PDZD4: variants seen among roughly 807,000 people sequenced by gnomAD.
PDZD4 encodes the protein PDZ domain-containing protein 4.
PDZD4 carries 9 observed loss-of-function variants against 38.5 expected under a neutral mutation model. The ratio of observed to expected loss-of-function variants is 0.23; its 90% CI spans 0.14 to 0.41. PDZD4 has a LOEUF of 0.41. Ranked by LOEUF, PDZD4 falls within the 10% of genes least tolerant of loss-of-function variation. The probability of loss-of-function intolerance (pLI) is 1.00; values close to 1 mark genes in which losing one functional copy is unlikely to be tolerated. For synonymous variants in PDZD4, 349 were observed against 315.7 expected, an observed-to-expected ratio of 1.11 and a Z score of -1.12; for missense variants, 612 against 722.0, an observed-to-expected ratio of 0.85 and a Z score of 1.75.
intron 1 of PDZD4, among the ~76,000 whole-genome samples, chrX:153,814,758 T>C (rs922892924): frequency 1.8e-5 from 2 of 110,653 alleles, no homozygotes; most frequent in Admixed American, 9.6e-5. Context: ...TCCCAGCGAC[T>C]CTCATCTTCT....
intron 2 of PDZD4, chrX:153,807,942 C>A (rs1328037056): frequency 4.1e-6 from 4 of 987,035 alleles, no homozygotes; most frequent in Non-Finnish European, 5.2e-6. Context: ...TTCTTCCGGT[C>A]GGGCCAAAGA....
rs1603269468 is a variant in PDZD4 at position 153,830,505 on chromosome X, G to A, written c.-207C>T. On this transcript the variant is annotated 5_prime_UTR_variant, in exon 1 of 8. Coordinates refer to ENST00000393758, the MANE Select transcript of PDZD4 (RefSeq NM_001303512.2). Reference sequence around the variant, plus strand: ...AACTCTTCGCTGGCCGAGGCCAGGCGCGGGCATGCTCCCTCGCACCCGGCC... The same window carrying A: ...AACTCTTCGCTGGCCGAGGCCAGGCACGGGCATGCTCCCTCGCACCCGGCC... 8.8e-6 allele frequency: 3 copies of A among 341,721 alleles called. No individual in the cohort carries two copies. The East Asian group carries it at 1.6e-4, about 18-fold the overall frequency. 28.2% of individuals were successfully genotyped at this position (341,721 alleles called of 1,213,427 possible). A position where few individuals can be genotyped will look rare whatever the true frequency, so the allele number is the denominator to read the frequency against.
chrX:153,830,110 T>G, intron 1 of PDZD4, 129 bp downstream of exon 1: 1 of 595,808 alleles, frequency 1.7e-6, no homozygotes, highest in Non-Finnish European at 2.4e-6. Context: ...GATGGGAGGG[T>G]GCGGACGGCT....
chrX:153,807,721 A>C, intron 2 of PDZD4: 12 of 74,736 alleles, frequency 1.6e-4, no homozygotes, highest in Admixed American at 7.9e-4. Context: ...GGCCCCACTC[A>C]TGCAACGCCC....
At chrX:153,824,371 C>T (rs2064458164) in intron 1 of PDZD4, among the ~76,000 whole-genome samples, 1 of 111,959 alleles carries the variant, frequency 8.9e-6, no homozygotes, top group Non-Finnish European at 1.9e-5. Flanking sequence ...GCTTCTTCCC[C>T]AGTCAGCTTC....
chrX:153,820,328 C>T (rs193195207), intron 1 of PDZD4, among the ~76,000 whole-genome samples: 3,449 of 79,853 alleles, frequency 0.043, 223 homozygotes, highest in African/African-American at 0.16. Flanking sequence ...CCAGCCTGGG[C>T]GACAGAGCAA....
chrX:153,815,100 G>A (rs922785734), intron 1 of PDZD4, among the ~76,000 whole-genome samples: 17 of 113,061 alleles, frequency 1.5e-4, no homozygotes, highest in Non-Finnish European at 2.8e-4. Context: ...GGGGCTTGAC[G>A]TGCCCCATGG....
chrX:153,812,202 G>A, intron 1 of PDZD4, among the ~76,000 whole-genome samples: 1 of 107,376 alleles, frequency 9.3e-6, no homozygotes, highest in Admixed American at 1.0e-4. Context: ...ATTTACACCA[G>A]GGAAATCGGC....
intron 1 of PDZD4, among the ~76,000 whole-genome samples, chrX:153,810,906 A>T (rs1557078657): frequency 1.8e-5 from 2 of 112,790 alleles, no homozygotes; most frequent in Non-Finnish European, 3.7e-5. Flanking sequence ...TCATATTCTG[A>T]AAAGAGCTTT....
chrX:153,829,673 C>G (rs370699610), intron 1 of PDZD4: 2 of 743,479 alleles, frequency 2.7e-6, no homozygotes, highest in Non-Finnish European at 1.6e-6. Context: ...CCGCAAAGCC[C>G]GGCCAGGCAC....
Position 153,804,340 on chromosome X carries a change from G to A in PDZD4, c.1341C>T (p.Tyr447=), listed in dbSNP as rs368966078. Residue 447 remains tyrosine (Y), a synonymous_variant, in exon 8 of 8, where the codon TAC becomes TAT. Coordinates refer to ENST00000393758, the MANE Select transcript of PDZD4 (RefSeq NM_001303512.2). ...TCTTGGGCTCGCTGGCCGCCAGGTC[G>A]TAGAGGCTCTCCTCCTCCAGCAGCC... ...KAWLLEEESL[Y]DLAASEPKKH... is the part of the protein sequence containing the mutation. 32 of 1,206,470 alleles carry A rather than the reference G, an allele frequency of 2.7e-5. No homozygotes were observed. The African/African-American group carries it at 5.0e-4, about 19-fold the overall frequency.
At chrX:153,814,579 T>A (rs1449010544) in intron 1 of PDZD4, among the ~76,000 whole-genome samples, 1 of 106,579 alleles carries the variant, frequency 9.4e-6, no homozygotes, top group Admixed American at 1.0e-4. Flanking sequence ...ATGGGGAGAG[T>A]GGGGATTGTT....
chrX:153,822,458 T>C (rs943016386), intron 1 of PDZD4, among the ~76,000 whole-genome samples: 8 of 111,543 alleles, frequency 7.2e-5, no homozygotes, highest in Non-Finnish European at 1.5e-4. Flanking sequence ...CTGCAGCGTT[T>C]TTCATTCTCA....
At position 153,804,320 on chromosome X, in the gene PDZD4, G is replaced by A. The variant is rs2148456798; in HGVS notation, c.1361C>T (p.Pro454Leu). The A allele has an allele frequency of 1.7e-6, 2 of 1,207,242 alleles. No individual in the cohort carries two copies. Among genetic ancestry groups the A allele is most frequent in the East Asian group, 5.9e-5 (2 of 33,798 alleles). The change falls in exon 8 of 8, where the codon CCC becomes CTC. Residue 454 changes from proline to leucine, a missense_variant. Pro to Leu is a moderately conservative substitution (Grantham distance 98). Coordinates refer to ENST00000393758, the MANE Select transcript of PDZD4 (RefSeq NM_001303512.2). Reference sequence around the variant, plus strand: ...GATGTCGGACAGCTCGTGCTTCTTGGGCTCGCTGGCCGCCAGGTCGTAGAG... The same window carrying A: ...GATGTCGGACAGCTCGTGCTTCTTGAGCTCGCTGGCCGCCAGGTCGTAGAG... ...ESLYDLAASE[P>L]KKHELSDISE...
rs2092197475 is a variant in PDZD4 at position 153,804,172 on chromosome X, G to A, written c.1509C>T (p.Ala503=). The part of the protein sequence containing the change: ...LPESPLRRAM[A]GNSNLNRTPP... ...GGGTCCGGTTCAAGTTGGAGTTGCC[G>A]GCCATGGCCCGCCGCAGGGGGCTCT... is the stretch of plus-strand genomic sequence containing the variant. Residue 503 remains alanine (A), a synonymous_variant, in exon 8 of 8, where the codon GCC becomes GCT. Transcript: ENST00000393758. 8.5e-7 allele frequency: 1 copy of A among 1,180,467 alleles called. No individual in the cohort carries two copies. The highest frequency in any genetic ancestry group is 1.7e-5 in the African/African-American group (1 of 57,406).
At position 153,804,361 on chromosome X, in the gene PDZD4, C is replaced by T. The variant is rs782788903; in HGVS notation, c.1320G>A (p.Leu440=). ...QLRERCMKAW[L]LEEESLYDLA... is the part of the protein sequence containing the mutation. Reference sequence around the variant, plus strand: ...GGTCGTAGAGGCTCTCCTCCTCCAGCAGCCAGGCCTTCATGCAGCGCTCAC... The same window carrying T: ...GGTCGTAGAGGCTCTCCTCCTCCAGTAGCCAGGCCTTCATGCAGCGCTCAC... The change falls in exon 8 of 8, where the codon CTG becomes CTA. Residue 440 remains leucine (L), a synonymous_variant. Transcript: ENST00000393758. The T allele has an allele frequency of 1.3e-5, 16 of 1,207,284 alleles. 1 individual carries two copies. The South Asian group carries it at 2.6e-4, about 20-fold the overall frequency.
intron 1 of PDZD4, among the ~76,000 whole-genome samples, chrX:153,814,480 A>ACCCCCCCCCC (rs35283380): frequency 1.5e-4 from 8 of 53,848 alleles, no homozygotes; most frequent in African/African-American, 2.3e-4. Flanking sequence ...TCCACCCCCC[A>ACCCCCCCCCC]CCCCCCCCCC....
intron 4 of PDZD4, among the ~76,000 whole-genome samples, 169 bp from the exon 5 acceptor site, chrX:153,806,302 C>T (rs1270100875): frequency 1.8e-5 from 2 of 112,193 alleles, no homozygotes; most frequent in African/African-American, 3.2e-5. Flanking sequence ...CACCTCTCCC[C>T]GCCCCTGCCC....
At chrX:153,806,154 G>C in intron 4 of PDZD4, 21 bp from the exon 5 acceptor site, 1 of 1,209,234 alleles carries the variant, frequency 8.3e-7, no homozygotes, top group East Asian at 3.0e-5. Context: ...CACGCATCTT[G>C]GGGACTTGGT....
Sources: allele counts gnomAD v4.1 joint callset (sites outside exome capture counted in the v4.1 genomes callset), GRCh38; gene constraint gnomAD v4.1.1; transcripts MANE v1.5; gene names NCBI Gene and HGNC (gene_info 2026-07-23, HGNC 2026-07-21).